RYR2: variants seen among roughly 807,000 people sequenced by gnomAD.
RYR2 encodes cardiac muscle ryanodine receptor-calcium release channel.
RYR2 carries 227 observed loss-of-function variants against 601.1 expected under a neutral mutation model. The ratio of observed to expected loss-of-function variants is 0.38; its 90% CI spans 0.34 to 0.42. RYR2 has a LOEUF of 0.42. Among genes scored for constraint, RYR2 ranks in the 10% least tolerant of loss-of-function variants. The pLI is 1.00. For missense variants in RYR2, 4,646 were observed against 6,156.5 expected, an observed-to-expected ratio of 0.75 and a Z score of 8.21; for synonymous variants, 2,223 against 2,175.1, an observed-to-expected ratio of 1.02 and a Z score of -0.61.
intron 1 of RYR2, among the ~76,000 whole-genome samples, chr1:237,129,420 G>C (rs775562054): frequency 6.6e-6 from 1 of 152,172 alleles, no homozygotes; most frequent in African/African-American, 2.4e-5. Context: ...CAGGATTCGG[G>C]AGAACATGGA....
intron 45 of RYR2, 72 bp downstream of exon 45, chr1:237,638,564 C>T: frequency 6.7e-7 from 1 of 1,486,976 alleles, no homozygotes; most frequent in South Asian, 1.2e-5. Flanking sequence ...GGATTCATCT[C>T]AGCACTTTCA....
intron 24 of RYR2, among the ~76,000 whole-genome samples, chr1:237,524,758 A>G (rs1409870062): frequency 1.3e-5 from 2 of 152,164 alleles, no homozygotes; most frequent in Non-Finnish European, 2.9e-5. Context: ...ATATATATAG[A>G]GAGAGATTCC....
At chr1:237,651,297 A>G (rs1682704820) in intron 50 of RYR2, 114 bp from the exon 51 acceptor site, 1 of 729,564 alleles carries the variant, frequency 1.4e-6, no homozygotes, top group African/African-American at 1.8e-5. Flanking sequence ...AATGAATACC[A>G]TCTGAAGTGA....
chr1:237,422,707 G>A (rs1478182598), intron 11 of RYR2, among the ~76,000 whole-genome samples: 1 of 152,106 alleles, frequency 6.6e-6, no homozygotes. Flanking sequence ...ACTAGTAAAT[G>A]CTAAAATATT....
chr1:237,360,810 GTC>G (rs1699716996), intron 4 of RYR2, among the ~76,000 whole-genome samples: 1 of 152,188 alleles, frequency 6.6e-6, no homozygotes, highest in African/African-American at 2.4e-5. Context: ...TAATCAATAT[GTC>G]TGTCTTTTCA....
chr1:237,239,121 A>G (rs1365342199), intron 1 of RYR2, among the ~76,000 whole-genome samples: 1 of 152,186 alleles, frequency 6.6e-6, no homozygotes, highest in Admixed American at 6.5e-5. Flanking sequence ...ATATATGCAT[A>G]TTTATATATG....
At chr1:237,322,245 T>C (rs2149529112) in intron 2 of RYR2, among the ~76,000 whole-genome samples, 1 of 152,324 alleles carries the variant, frequency 6.6e-6, no homozygotes, top group Non-Finnish European at 1.5e-5. Context: ...CTATATTACA[T>C]AATTAATTGA....
intron 2 of RYR2, among the ~76,000 whole-genome samples, chr1:237,277,240 C>A (rs1216177653): frequency 6.6e-6 from 1 of 152,132 alleles, no homozygotes; most frequent in Admixed American, 6.5e-5. Context: ...TAATAAAATA[C>A]CTCCTTAACA....
chr1:237,244,896 C>G (rs268784), intron 1 of RYR2, among the ~76,000 whole-genome samples: 1 of 152,048 alleles, frequency 6.6e-6, no homozygotes, highest in East Asian at 1.9e-4. Context: ...TGTTTATTTC[C>G]TAAAGTCCAA....
intron 1 of RYR2, among the ~76,000 whole-genome samples, chr1:237,154,383 T>C (rs1437068662): frequency 6.6e-6 from 1 of 152,244 alleles, no homozygotes; most frequent in Non-Finnish European, 1.5e-5. Context: ...TGTTGAAACC[T>C]GCAGTGATTC....
chr1:237,722,195 A>T (rs1052318092), intron 73 of RYR2, among the ~76,000 whole-genome samples: 1 of 152,158 alleles, frequency 6.6e-6, no homozygotes, highest in African/African-American at 2.4e-5. Context: ...GGAGAAGAGC[A>T]TGGGTAGCCT....
chr1:237,429,907 T>C (rs2150092041), intron 12 of RYR2, among the ~76,000 whole-genome samples: 1 of 152,130 alleles, frequency 6.6e-6, no homozygotes, highest in South Asian at 2.1e-4. Context: ...GTCACACATT[T>C]GCAATAAAGA....
rs758277755 is a variant in RYR2 at position 237,614,792 on chromosome 1, G to C, written c.5664G>C (p.Arg1888=). 37 of 1,605,916 alleles carry C rather than the reference G, an allele frequency of 2.3e-5. No homozygotes were observed. Among genetic ancestry groups the C allele is most frequent in the Non-Finnish European group, 2.7e-5 (32 of 1,174,868 alleles). Residue 1888 remains arginine (R), a synonymous_variant, in exon 37 of 105, where the codon CGG becomes CGC. Transcript: ENST00000366574. This position sits in a 1 kb window ranked among gnomAD's most constrained non-coding sequence, Gnocchi z 4.3. The part of the protein sequence containing the change: ...AGEEEAKGGK[R]PKEGLLQMKL... ...AGGAAGAAGCCAAGGGGGGCAAGCGGCCCAAGGAAGGCCTGCTCCAAATGA... is the reference window on the plus strand; with the variant it reads ...AGGAAGAAGCCAAGGGGGGCAAGCGCCCCAAGGAAGGCCTGCTCCAAATGA...
At chr1:237,353,760 C>A (rs1459849943) in intron 3 of RYR2, among the ~76,000 whole-genome samples, 1 of 151,940 alleles carries the variant, frequency 6.6e-6, no homozygotes, top group African/African-American at 2.4e-5. Flanking sequence ...TAATTTCCTG[C>A]AGATATTAAA....
At chr1:237,253,117 T>G (rs1572368285) in intron 1 of RYR2, among the ~76,000 whole-genome samples, 1 of 142,828 alleles carries the variant, frequency 7.0e-6, no homozygotes, top group African/African-American at 2.6e-5. Flanking sequence ...GGAGCTGAGA[T>G]CGTGCCACTG....
chr1:237,516,150 G>A (rs146266110), intron 24 of RYR2, among the ~76,000 whole-genome samples: 13 of 151,876 alleles, frequency 8.6e-5, no homozygotes, highest in African/African-American at 3.1e-4. Context: ...TCGCTCTGTT[G>A]CCTAGGCTGG....
intron 97 of RYR2, among the ~76,000 whole-genome samples, chr1:237,799,716 CTT>C (rs746183991): frequency 6.6e-6 from 1 of 152,154 alleles, no homozygotes; most frequent in Non-Finnish European, 1.5e-5. Flanking sequence ...TGAACGCTAT[CTT>C]AATGGGAACA....
At chr1:237,373,862 C>G (rs904925709) in intron 6 of RYR2, among the ~76,000 whole-genome samples, 2 of 152,010 alleles carry the variant, frequency 1.3e-5, no homozygotes, top group Non-Finnish European at 2.9e-5. Flanking sequence ...TAAATGGAAA[C>G]AAAACTAGAA....
chr1:237,484,642 T>A (rs1662481801), intron 17 of RYR2, among the ~76,000 whole-genome samples: 1 of 152,210 alleles, frequency 6.6e-6, no homozygotes, highest in Non-Finnish European at 1.5e-5. Flanking sequence ...CTATACAGAT[T>A]CTCAACAAAT....
Sources: allele counts gnomAD v4.1 joint callset (sites outside exome capture counted in the v4.1 genomes callset), GRCh38; gene constraint gnomAD v4.1.1; non-coding constraint Gnocchi (gnomAD v3.1); transcripts MANE v1.5; gene names NCBI Gene and HGNC (gene_info 2026-07-23, HGNC 2026-07-21).